GLYCTK: variants seen among roughly 807,000 people sequenced by gnomAD.
The protein encoded by GLYCTK is glycerate kinase.
Under a neutral mutation model 24.8 loss-of-function variants are expected in GLYCTK, and 22 were observed. The observed-to-expected ratio is 0.89, with a 90% CI of 0.63 to 1.27. The LOEUF is 1.27. GLYCTK is among the 50% of genes most tolerant of loss of function. The probability of loss-of-function intolerance (pLI) is 0.00; values close to 1 mark genes in which losing one functional copy is unlikely to be tolerated. For missense variants in GLYCTK, 684 were observed against 686.7 expected, an observed-to-expected ratio of 1.00 and a Z score of 0.04; for synonymous variants, 320 against 297.2, an observed-to-expected ratio of 1.08 and a Z score of -0.79.
intron 1 of GLYCTK, among the ~76,000 whole-genome samples, chr3:52,289,572 C>T (rs1700394646): frequency 6.6e-6 from 1 of 152,242 alleles, no homozygotes; most frequent in Non-Finnish European, 1.5e-5. Flanking sequence ...GGCACATGGC[C>T]TCACATGGTG....
chr3:52,292,419 T>A lies in GLYCTK; in HGVS notation c.865T>A (p.Ser289Thr). The A allele has an allele frequency of 6.2e-7, 1 of 1,613,666 alleles. No homozygotes were observed. Among genetic ancestry groups the A allele is most frequent in the East Asian group, 2.2e-5 (1 of 44,890 alleles). ...GCCACGTTCTGTGAAGACTGTGCTG[T>A]CTCGGGCCGACTCTGACCCCCATGG... ...ALPRSVKTVL[S>T]RADSDPHGPH... The change falls in exon 5 of 5, where the codon TCT (serine) becomes ACT (threonine). Residue 289 changes from serine (S) to threonine (T), a missense_variant. Ser to Thr is a moderately conservative substitution (Grantham distance 58). Transcript: ENST00000436784.
Position 52,287,895 on chromosome 3 carries a change from G to T in GLYCTK, c.-40+19G>T. 2.2e-6 allele frequency: 1 copy of T among 449,010 alleles called. No individual in the cohort carries two copies. Among genetic ancestry groups the T allele is most frequent in the Non-Finnish European group, 4.5e-6 (1 of 223,566 alleles). The allele number at this position is 449,010 out of a possible 1,614,324, so 27.8% of individuals were successfully genotyped here. ...TGGGCTGGTAAGTCTGCGCCGCCAG[G>T]GCTCGCATGGCCTTCAGAAGCGGTC... On this transcript the variant is annotated intron_variant, in intron 1 of 4. Coordinates refer to ENST00000436784, the MANE Select transcript of GLYCTK (RefSeq NM_145262.4).
At position 52,293,448 on chromosome 3, in the gene GLYCTK, CTGAAAAT is replaced by C. The variant is rs1398595563; in HGVS notation, c.*323_*329del. 1.6e-5 allele frequency: 9 copies of C among 571,922 alleles called. No individual in the cohort carries two copies. The highest frequency in any genetic ancestry group is 3.0e-5 in the Non-Finnish European group (9 of 301,746). The allele number at this position is 571,922 out of a possible 1,614,324, so 35.4% of individuals were successfully genotyped here. On this transcript the variant is annotated 3_prime_UTR_variant, in exon 5 of 5. Coordinates refer to ENST00000436784, the MANE Select transcript of GLYCTK (RefSeq NM_145262.4). ...GTTTCTTTCTGTGAAGCGAGAATGT[CTGAAAAT>C]AAATAGGACCATGCCATGGGTTCTC...
chr3:52,294,917 G>A lies in GLYCTK; in HGVS notation c.*1791G>A, dbSNP rs1700592374. On this transcript the variant is annotated 3_prime_UTR_variant, in exon 5 of 5. Transcript: ENST00000436784. ...GTACTCAGAGTGGGAATGCATCTCT[G>A]AGTGTACACATAGATACTTAGTACA... 2.2e-6 allele frequency: 1 copy of A among 453,990 alleles called. No individual in the cohort carries two copies. Among genetic ancestry groups the A allele is most frequent in the South Asian group, 1.6e-5 (1 of 64,484 alleles). The allele number at this position is 453,990 out of a possible 1,614,324, so 28.1% of individuals were successfully genotyped here.
In GLYCTK at chr3:52,287,869, G is replaced by T. The variant is rs2153220391; in HGVS notation, c.-47G>T. 2.2e-6 allele frequency: 1 copy of T among 452,000 alleles called. No homozygotes were observed. The highest frequency in any genetic ancestry group is 1.6e-5 in the South Asian group (1 of 64,390). The allele number at this position is 452,000 out of a possible 1,614,324, so 28.0% of individuals were successfully genotyped here. ...AGCGCTGGGCACCGCGGCCGGAGCT[G>T]TGGGCTGGTAAGTCTGCGCCGCCAG... On this transcript the variant is annotated 5_prime_UTR_variant, in exon 1 of 5. Transcript: ENST00000436784.
rs755753426 is a variant in GLYCTK, at chr3:52,292,970, G to A, written c.1416G>A (p.Gln472=). 2.5e-6 allele frequency: 4 copies of A among 1,613,992 alleles called. No individual in the cohort carries two copies. The highest frequency in any genetic ancestry group is 4.5e-5 in the East Asian group (2 of 44,902). Residue 472 remains glutamine (Q), a synonymous_variant, in exon 5 of 5, where the codon CAG becomes CAA. Transcript: ENST00000436784. ...GAWVTPELAS[Q]AAAEGLDIAT... is the part of the protein sequence containing the mutation. ...GGGTCACACCTGAGCTTGCCAGCCA[G>A]GCTGCAGCTGAGGGCCTGGACATAG...
chr3:52,292,873 G>T lies in GLYCTK; in HGVS notation c.1319G>T (p.Gly440Val), dbSNP rs1213269711. The T allele has an allele frequency of 1.2e-6, 2 of 1,613,934 alleles. No homozygotes were observed. Among genetic ancestry groups the T allele is most frequent in the Admixed American group, 1.7e-5 (1 of 59,998 alleles). Residue 440 changes from glycine to valine, a missense_variant, in exon 5 of 5, where the codon GGG (glycine) becomes GTG (valine). By Grantham distance (109) the Gly-to-Val change is moderately radical. Coordinates refer to ENST00000436784, the MANE Select transcript of GLYCTK (RefSeq NM_145262.4). ...GCAGAGTTGAGAAGGTGGCCGCTGG[G>T]GCCGATAGATGTGCTGTTTTTGAGC... Reference protein sequence around the residue: ...VGAELRRWPLGPIDVLFLSGG... With the variant: ...VGAELRRWPLVPIDVLFLSGG...
chr3:52,292,977 G>A lies in GLYCTK; in HGVS notation c.1423G>A (p.Ala475Thr), dbSNP rs779596586. Residue 475 changes from alanine to threonine, a missense_variant, in exon 5 of 5, where the codon GCT becomes ACT. By Grantham distance (58) the Ala-to-Thr change is moderately conservative. Coordinates refer to ENST00000436784, the MANE Select transcript of GLYCTK (RefSeq NM_145262.4). ...VTPELASQAA[A>T]EGLDIATFLA... The stretch of plus-strand genomic sequence containing the variant: ...ACCTGAGCTTGCCAGCCAGGCTGCA[G>A]CTGAGGGCCTGGACATAGCCACCTT... The A allele has an allele frequency of 1.2e-5, 19 of 1,614,138 alleles. 1 individual carries two copies. The highest frequency in any genetic ancestry group is 1.6e-4 in the Middle Eastern group (1 of 6,062).
rs2153221358 is a variant in GLYCTK, at chr3:52,294,536, G to A, written c.*1410G>A. 2.6e-6 allele frequency: 1 copy of A among 382,080 alleles called. No individual in the cohort carries two copies. The highest frequency in any genetic ancestry group is 7.2e-5 in the East Asian group (1 of 13,852). 23.7% of individuals were successfully genotyped at this position (382,080 alleles called of 1,614,324 possible). ...GTAAACGTGGTAAGCGGGCTCTGGG[G>A]ACCAGGGAGGTTTAGGAAAAGGGGA... On this transcript the variant is annotated 3_prime_UTR_variant, in exon 5 of 5. Coordinates refer to ENST00000436784, the MANE Select transcript of GLYCTK (RefSeq NM_145262.4).
Position 52,292,842 on chromosome 3 carries a change from G to T in GLYCTK, c.1288G>T (p.Val430Phe), listed in dbSNP as rs767704931. 1.9e-6 allele frequency: 3 copies of T among 1,613,856 alleles called. No individual in the cohort carries two copies. In the East Asian group the frequency reaches 6.7e-5, roughly 36 times the overall value. ...CCGGAACCAGGAACTGGCCCTGCGT[G>T]TTGGAGCAGAGTTGAGAAGGTGGCC... ...GGRNQELALRVGAELRRWPLG... is the reference protein window; with the variant it reads ...GGRNQELALRFGAELRRWPLG... The change falls in exon 5 of 5, where the codon GTT becomes TTT. Residue 430 changes from valine to phenylalanine, a missense_variant. By Grantham distance (50) the Val-to-Phe change is conservative. Transcript: ENST00000436784.
intron 1 of GLYCTK, among the ~76,000 whole-genome samples, chr3:52,289,709 T>A (rs570705709): frequency 1.3e-5 from 2 of 152,202 alleles, no homozygotes; most frequent in African/African-American, 4.8e-5. Context: ...TGAGGATGTG[T>A]TCTGGGTTTG....
rs765298354 is a variant in GLYCTK, at chr3:52,294,211, C to T, written c.*1085C>T. On this transcript the variant is annotated 3_prime_UTR_variant, in exon 5 of 5. Coordinates refer to ENST00000436784, the MANE Select transcript of GLYCTK (RefSeq NM_145262.4). ...CCCCCTTGCTCAGTGTCAGAACCCTCCGCTGGCTGTCCCCGCCGTGCGCCA... is the reference window on the plus strand; with the variant it reads ...CCCCCTTGCTCAGTGTCAGAACCCTTCGCTGGCTGTCCCCGCCGTGCGCCA... 1.9e-6 allele frequency: 1 copy of T among 534,720 alleles called. No individual in the cohort carries two copies. Among genetic ancestry groups the T allele is most frequent in the South Asian group, 1.4e-5 (1 of 71,596 alleles). 33.1% of individuals were successfully genotyped at this position (534,720 alleles called of 1,614,324 possible). A position where few individuals can be genotyped will look rare whatever the true frequency, so the allele number is the denominator to read the frequency against.
In GLYCTK at chr3:52,292,254, C is replaced by G. The variant is rs1302506520; in HGVS notation, c.706-6C>G. The G allele has an allele frequency of 4.3e-6, 7 of 1,613,764 alleles. No homozygotes were observed. In the East Asian group the frequency reaches 1.6e-4, roughly 36 times the overall value. ...GCCTGAGCCTTGTCTGGTGGCCCTTCCCCAGGTGGTGAGCCTCATCCTGTC... is the reference window on the plus strand; with the variant it reads ...GCCTGAGCCTTGTCTGGTGGCCCTTGCCCAGGTGGTGAGCCTCATCCTGTC... On this transcript the variant is annotated splice_polypyrimidine_tract_variant and splice_region_variant and intron_variant, in intron 4 of 4. Transcript: ENST00000436784.
At position 52,290,437 on chromosome 3, in the gene GLYCTK, T is replaced by C; in HGVS notation, c.95T>C (p.Met32Thr). 1 of 1,612,094 alleles carries C rather than the reference T, an allele frequency of 6.2e-7. No homozygotes were observed. Among genetic ancestry groups the C allele is most frequent in the Non-Finnish European group, 8.5e-7 (1 of 1,180,008 alleles). Reference sequence around the variant, plus strand: ...TCAGTGGCCCGTCTGGCCAGCAGCATGGCCTTGGCAGAGCAGGCCAGGCAG... The same window carrying C: ...TCAGTGGCCCGTCTGGCCAGCAGCACGGCCTTGGCAGAGCAGGCCAGGCAG... The part of the protein sequence containing the change: ...RGSVARLASS[M>T]ALAEQARQLF... Residue 32 changes from methionine (M) to threonine (T), a missense_variant, in exon 2 of 5, where the codon ATG (methionine) becomes ACG (threonine). Met to Thr is a moderately conservative substitution (Grantham distance 81). Transcript: ENST00000436784.
chr3:52,291,072 G>A lies in GLYCTK; in HGVS notation c.490G>A (p.Gly164Arg). The A allele has an allele frequency of 6.2e-7, 1 of 1,613,040 alleles. No individual in the cohort carries two copies. Among genetic ancestry groups the A allele is most frequent in the East Asian group, 2.2e-5 (1 of 44,884 alleles). ...AALAIQQLAE[G>R]LTADDLLLVL... is the part of the protein sequence containing the mutation. ...ACTGGCCATCCAGCAACTGGCTGAG[G>A]GACTCACAGCTGATGACCTGCTGCT... Residue 164 changes from glycine to arginine, a missense_variant, in exon 3 of 5, where the codon GGA becomes AGA. Transcript: ENST00000436784.
intron 4 of GLYCTK, 90 bp from the exon 5 acceptor site, chr3:52,292,170 G>A (rs1700489512): frequency 1.3e-6 from 2 of 1,524,010 alleles, no homozygotes; most frequent in African/African-American, 2.7e-5. Context: ...TTGGGGGAGG[G>A]TGTGTGGATA....
intron 4 of GLYCTK, 91 bp from the exon 5 acceptor site, chr3:52,292,169 G>A: frequency 6.6e-7 from 1 of 1,519,318 alleles, no homozygotes; most frequent in South Asian, 1.1e-5. Context: ...GTTGGGGGAG[G>A]GTGTGTGGAT....
At position 52,294,900 on chromosome 3, in the gene GLYCTK, A is replaced by C; in HGVS notation, c.*1774A>C. On this transcript the variant is annotated 3_prime_UTR_variant, in exon 5 of 5. Transcript: ENST00000436784. The stretch of plus-strand genomic sequence containing the variant: ...CAGACGTTGGTGTTGGCGTACTCAG[A>C]GTGGGAATGCATCTCTGAGTGTACA... The C allele has an allele frequency of 2.2e-6, 1 of 454,042 alleles. No homozygotes were observed. Among genetic ancestry groups the C allele is most frequent in the Non-Finnish European group, 4.4e-6 (1 of 226,774 alleles). 28.1% of individuals were successfully genotyped at this position (454,042 alleles called of 1,614,324 possible).
In GLYCTK at chr3:52,294,260, A is replaced by G. The variant is rs770814411; in HGVS notation, c.*1134A>G. ...CACGGCTCCAATCCCTATATGAGTGAGCAGTAGAATCACATAGGAATAAAA... is the reference window on the plus strand; with the variant it reads ...CACGGCTCCAATCCCTATATGAGTGGGCAGTAGAATCACATAGGAATAAAA... On this transcript the variant is annotated 3_prime_UTR_variant, in exon 5 of 5. Transcript: ENST00000436784. The G allele has an allele frequency of 7.5e-6, 4 of 534,632 alleles. No homozygotes were observed. The highest frequency in any genetic ancestry group is 3.9e-5 in the Admixed American group (2 of 51,590). 33.1% of individuals were successfully genotyped at this position (534,632 alleles called of 1,614,324 possible).
Sources: allele counts gnomAD v4.1 joint callset (sites outside exome capture counted in the v4.1 genomes callset), GRCh38; gene constraint gnomAD v4.1.1; transcripts MANE v1.5; gene names NCBI Gene and HGNC (gene_info 2026-07-23, HGNC 2026-07-21).